Variants in SPMIP2 observed in about 807,000 individuals in gnomAD.
The protein encoded by SPMIP2 is protein SPMIP2.
chr4:158,939,220 C>G, the SPMIP2 span, among the ~76,000 whole-genome samples: 1 of 152,132 alleles, frequency 6.6e-6, no homozygotes, highest in South Asian at 2.1e-4. Flanking sequence ...TTTATCTATC[C>G]AGATGGTAAA....
chr4:158,928,355 G>C, the SPMIP2 span, among the ~76,000 whole-genome samples: 3 of 150,968 alleles, frequency 2.0e-5, no homozygotes, highest in Non-Finnish European at 4.4e-5. Flanking sequence ...TCGGCACTCT[G>C]TATCTAGCTC....
At chr4:159,046,047 C>T in the SPMIP2 span, among the ~76,000 whole-genome samples, 13 of 152,186 alleles carry the variant, frequency 8.5e-5, no homozygotes, top group East Asian at 7.7e-4. Context: ...CTCAGAAGTT[C>T]GAGACCAGCC....
chr4:159,004,831 G>A, the SPMIP2 span, among the ~76,000 whole-genome samples: 1 of 151,880 alleles, frequency 6.6e-6, no homozygotes, highest in African/African-American at 2.4e-5. Context: ...ATATGACCTG[G>A]TATTAAAGCT....
At chr4:158,949,043 C>A in the SPMIP2 span, among the ~76,000 whole-genome samples, 1 of 151,892 alleles carries the variant, frequency 6.6e-6, no homozygotes, top group Non-Finnish European at 1.5e-5. Flanking sequence ...TATTTTTTCT[C>A]TTCTTTTTCA....
the SPMIP2 span, chr4:158,893,729 G>C: frequency 1.6e-3 from 2,541 of 1,563,100 alleles, 6 homozygotes; most frequent in Non-Finnish European, 2.0e-3. Context: ...TGTAAGAGAA[G>C]TAATGTATAT....
chr4:158,893,808 T>C, the SPMIP2 span: 2 of 814,752 alleles, frequency 2.5e-6, no homozygotes, highest in Non-Finnish European at 3.9e-6. Context: ...ACATACGTCT[T>C]GTCACAGTTG....
chr4:159,038,667 G>C, the SPMIP2 span: 29 of 152,622 alleles, frequency 1.9e-4, no homozygotes, highest in African/African-American at 7.0e-4. Flanking sequence ...CGGAAGCTGA[G>C]GGCTGATGAT....
the SPMIP2 span, among the ~76,000 whole-genome samples, chr4:158,988,163 G>A: frequency 0.63 from 95,155 of 151,334 alleles, 30,219 homozygotes; most frequent in Middle Eastern, 0.71. Flanking sequence ...AAATTCCTGG[G>A]CACATACACC....
chr4:159,007,294 C>T, the SPMIP2 span: 2 of 920,610 alleles, frequency 2.2e-6, no homozygotes, highest in African/African-American at 3.3e-5. Context: ...GACCTGACTT[C>T]CCTCCGGGCC....
chr4:158,995,726 G>A, the SPMIP2 span, among the ~76,000 whole-genome samples: 9 of 151,930 alleles, frequency 5.9e-5, no homozygotes, highest in South Asian at 1.3e-3. Flanking sequence ...GCGTGGTGGC[G>A]TGTGCCTGTA....
At chr4:158,943,958 T>C in the SPMIP2 span, among the ~76,000 whole-genome samples, 1 of 142,232 alleles carries the variant, frequency 7.0e-6, no homozygotes, top group Non-Finnish European at 1.5e-5. Flanking sequence ...TGGGTTCAAG[T>C]GATTGTTCTG....
At chr4:158,914,481 G>A in the SPMIP2 span, among the ~76,000 whole-genome samples, 1 of 152,186 alleles carries the variant, frequency 6.6e-6, no homozygotes, top group Admixed American at 6.5e-5. Context: ...GTCTCTGAAT[G>A]GGCCTGAGCT....
At chr4:158,996,514 G>C in the SPMIP2 span, among the ~76,000 whole-genome samples, 1 of 152,164 alleles carries the variant, frequency 6.6e-6, no homozygotes, top group Admixed American at 6.5e-5. Flanking sequence ...AAATCCATTT[G>C]AGTGCTGCAA....
chr4:158,996,090 A>G, the SPMIP2 span, among the ~76,000 whole-genome samples: 1 of 152,180 alleles, frequency 6.6e-6, no homozygotes, highest in Non-Finnish European at 1.5e-5. Flanking sequence ...CATTCTGGAC[A>G]GTGCAATGCA....
chr4:159,082,463 G>C, the SPMIP2 span, among the ~76,000 whole-genome samples: 6 of 148,656 alleles, frequency 4.0e-5, no homozygotes, highest in East Asian at 5.9e-4. Context: ...GTGTGTGTGT[G>C]TGTGTGTGTG....
chr4:158,928,768 C>T, the SPMIP2 span, among the ~76,000 whole-genome samples: 3 of 152,168 alleles, frequency 2.0e-5, no homozygotes, highest in African/African-American at 4.8e-5. Flanking sequence ...GCTGTAACAC[C>T]GCTAAGGTCT....
the SPMIP2 span, among the ~76,000 whole-genome samples, chr4:158,976,064 G>A: frequency 2.6e-5 from 4 of 152,140 alleles, no homozygotes; most frequent in Non-Finnish European, 5.9e-5. Flanking sequence ...TGTAGCAATT[G>A]TGACTGGGAG....
the SPMIP2 span, among the ~76,000 whole-genome samples, chr4:158,989,740 C>T: frequency 6.6e-6 from 1 of 152,010 alleles, no homozygotes. Context: ...TCAAGATGGA[C>T]TAAAGACTTA....
the SPMIP2 span, among the ~76,000 whole-genome samples, chr4:159,005,859 G>A: frequency 6.6e-6 from 1 of 152,156 alleles, no homozygotes; most frequent in African/African-American, 2.4e-5. Context: ...CCATTTCCCA[G>A]GTTCGAGTGA....
Sources: allele counts gnomAD v4.1 joint callset (sites outside exome capture counted in the v4.1 genomes callset), GRCh38; gene constraint gnomAD v4.1.1; transcripts MANE v1.5; gene names NCBI Gene and HGNC (gene_info 2026-07-23, HGNC 2026-07-21).